The following DIAPH2 variants were observed in gnomAD, a reference collection of about 807,000 sequenced individuals.
The protein encoded by DIAPH2 is protein diaphanous homolog 2.
In DIAPH2, 35 loss-of-function variants were observed where a neutral mutation model predicts 92.7. The ratio of observed to expected loss-of-function variants is 0.38; its 90% confidence interval spans 0.29 to 0.50. DIAPH2 has a LOEUF of 0.50. DIAPH2 is among the 20% of genes least tolerant of loss of function. The pLI is 0.94. For missense variants in DIAPH2, 701 were observed against 819.5 expected (o/e 0.86, Z 1.77); for synonymous variants, 301 against 280.4 (o/e 1.07, Z -0.73).
At position 97,484,422 on chromosome X, in the gene DIAPH2, G is replaced by A. The variant is rs142840546; in HGVS notation, c.3241+54677G>A. Among the ~76,000 whole-genome samples the A allele has an allele frequency of 5.7e-3, 636 of 112,057 alleles. 2 individuals are homozygous for A. Among genetic ancestry groups the A allele is most frequent in the African/African-American group, 0.02 (603 of 30,915 alleles). On this transcript the variant is annotated intron_variant, in intron 26 of 26. Transcript: ENST00000324765. ...AATAACATAACGAATATAAAACACAGCACAGTAGCTGGTGATTCTAATATC... is the reference window on the plus strand; with the variant it reads ...AATAACATAACGAATATAAAACACAACACAGTAGCTGGTGATTCTAATATC...
At chrX:97,046,965 A>G (rs2066488281) in intron 17 of DIAPH2, among the ~76,000 whole-genome samples, 1 of 111,510 alleles carries the variant, frequency 9.0e-6, no homozygotes. Flanking sequence ...TGATGATCAC[A>G]GGATTGAATG....
intron 22 of DIAPH2, among the ~76,000 whole-genome samples, chrX:97,227,154 A>G (rs2067971782): frequency 9.0e-6 from 1 of 110,864 alleles, no homozygotes; most frequent in African/African-American, 3.3e-5. Flanking sequence ...AGGTGCTGGT[A>G]ATCCCAGCTA....
intron 21 of DIAPH2, 67 bp from the exon 22 acceptor site, chrX:97,141,598 C>A: frequency 9.6e-7 from 1 of 1,041,516 alleles, no homozygotes; most frequent in South Asian, 2.3e-5. Context: ...TAAATTCATT[C>A]ATTTCACTTG....
At chrX:96,765,741 C>CTG (rs1224388353) in intron 4 of DIAPH2, among the ~76,000 whole-genome samples, 12 of 111,404 alleles carry the variant, frequency 1.1e-4, no homozygotes, top group African/African-American at 3.9e-4. Context: ...AAATGGCTCC[C>CTG]TGTTGTCCTT....
At chrX:97,244,427 A>G (rs765545986) in intron 22 of DIAPH2, among the ~76,000 whole-genome samples, 3 of 111,842 alleles carry the variant, frequency 2.7e-5, no homozygotes, top group Non-Finnish European at 5.6e-5. Context: ...AGCACATTTT[A>G]TTTATTACAG....
intron 23 of DIAPH2, among the ~76,000 whole-genome samples, chrX:97,318,804 T>A (rs950310366): frequency 9.0e-6 from 1 of 111,306 alleles, no homozygotes; most frequent in African/African-American, 3.3e-5. Flanking sequence ...TTTCAAGATG[T>A]CATGTCATCC....
intron 22 of DIAPH2, among the ~76,000 whole-genome samples, chrX:97,200,892 A>G (rs1023247718): frequency 1.6e-4 from 18 of 111,678 alleles, no homozygotes; most frequent in African/African-American, 5.2e-4. Flanking sequence ...ACCTCCCAAC[A>G]GGGCTTGACA....
At chrX:96,995,613 A>C (rs982345837) in intron 17 of DIAPH2, among the ~76,000 whole-genome samples, 3 of 111,804 alleles carry the variant, frequency 2.7e-5, no homozygotes, top group Non-Finnish European at 5.6e-5. Context: ...AGCAGTACAC[A>C]CATCACAGTT....
chrX:97,212,332 G>A (rs1169649647), intron 22 of DIAPH2, among the ~76,000 whole-genome samples: 1 of 110,274 alleles, frequency 9.1e-6, no homozygotes, highest in African/African-American at 3.3e-5. Context: ...TTATTTCAGA[G>A]CATGTAAAAG....
At chrX:97,178,956 C>G (rs2067517264) in intron 22 of DIAPH2, among the ~76,000 whole-genome samples, 1 of 111,111 alleles carries the variant, frequency 9.0e-6, no homozygotes, top group Non-Finnish European at 1.9e-5. Context: ...GCAGAGTAGC[C>G]CTCACTAGAT....
intron 1 of DIAPH2, among the ~76,000 whole-genome samples, chrX:96,720,660 C>T (rs763596160): frequency 9.0e-6 from 1 of 111,430 alleles, no homozygotes; most frequent in Admixed American, 9.5e-5. Context: ...GTCACTGTTC[C>T]GTAAGAACAA....
intron 26 of DIAPH2, among the ~76,000 whole-genome samples, chrX:97,519,576 T>C (rs995012831): frequency 2.7e-5 from 3 of 111,988 alleles, no homozygotes; most frequent in African/African-American, 9.7e-5. Context: ...AGATGAAGTA[T>C]ACTTGTGACT....
rs375714009 is a variant in DIAPH2 at position 97,095,488 on chromosome X, A to G, written c.2248-4206A>G. Among the ~76,000 whole-genome samples the G allele has an allele frequency of 3.6e-4, 39 of 107,489 alleles. No individual in the cohort carries two copies. In the East Asian group the frequency reaches 0.01, roughly 28 times the overall value. 93.3% of individuals were successfully genotyped at this position (107,489 alleles called of 115,157 possible). ...CATAAGTTAAAGTAAGACATTACATATATATATAATATATATATAAATACA... is the reference window on the plus strand; with the variant it reads ...CATAAGTTAAAGTAAGACATTACATGTATATATAATATATATATAAATACA... On this transcript the variant is annotated intron_variant, in intron 19 of 26. Coordinates refer to ENST00000324765, the MANE Select transcript of DIAPH2 (RefSeq NM_006729.5).
intron 26 of DIAPH2, among the ~76,000 whole-genome samples, chrX:97,460,315 G>T (rs767413339): frequency 8.9e-6 from 1 of 111,893 alleles, no homozygotes; most frequent in East Asian, 2.8e-4. Flanking sequence ...TACTTTGTAT[G>T]TACTAGCTCG....
chrX:97,084,972 T>C (rs745735586), intron 19 of DIAPH2, among the ~76,000 whole-genome samples: 2 of 112,157 alleles, frequency 1.8e-5, no homozygotes, highest in Non-Finnish European at 3.8e-5. Flanking sequence ...ATTATTCATG[T>C]CTTTGGTGTT....
chrX:97,531,014 G>A (rs2071055999), intron 26 of DIAPH2, among the ~76,000 whole-genome samples: 1 of 111,154 alleles, frequency 9.0e-6, no homozygotes, highest in Non-Finnish European at 1.9e-5. Context: ...GGCCATGATG[G>A]TGATAAGGTC....
intron 23 of DIAPH2, among the ~76,000 whole-genome samples, chrX:97,275,062 A>G (rs1202355487): frequency 2.7e-5 from 3 of 111,803 alleles, no homozygotes; most frequent in Non-Finnish European, 5.7e-5. Flanking sequence ...ACACAGCAAC[A>G]ATCTGATTTC....
chrX:97,050,553 A>G (rs1345761102), intron 17 of DIAPH2, among the ~76,000 whole-genome samples: 1 of 105,520 alleles, frequency 9.5e-6, no homozygotes, highest in Non-Finnish European at 2.0e-5. Context: ...TCTTACTACT[A>G]ACATTGAAAC....
intron 26 of DIAPH2, among the ~76,000 whole-genome samples, chrX:97,541,736 C>T (rs1275983535): frequency 8.9e-6 from 1 of 111,990 alleles, no homozygotes; most frequent in Non-Finnish European, 1.9e-5. Context: ...TGAGCCTACA[C>T]CTGTTCATAC....
Sources: allele counts gnomAD v4.1 joint callset (sites outside exome capture counted in the v4.1 genomes callset), GRCh38; gene constraint gnomAD v4.1.1; transcripts MANE v1.5; gene names NCBI Gene and HGNC (gene_info 2026-07-23, HGNC 2026-07-21).